The following CACNA1B variants were observed in gnomAD, a reference collection of about 807,000 sequenced individuals.
CACNA1B encodes voltage-dependent N-type calcium channel subunit alpha-1B.
In CACNA1B, 70 loss-of-function variants were observed where a neutral mutation model predicts 247.2. The observed-to-expected ratio is 0.28, with a 90% CI of 0.23 to 0.35. The LOEUF (loss-of-function observed/expected upper bound fraction) is 0.35. CACNA1B is among the 10% of genes least tolerant of loss of function. The probability of loss-of-function intolerance (pLI) is 1.00; values close to 1 mark genes in which losing one functional copy is unlikely to be tolerated. For missense variants in CACNA1B, 2,367 were observed against 3,197.4 expected, an observed-to-expected ratio of 0.74 and a Z score of 6.26; for synonymous variants, 1,231 against 1,294.4, an observed-to-expected ratio of 0.95 and a Z score of 1.05.
At chr9:138,090,533 C>T (rs1267117829) in intron 36 of CACNA1B, among the ~76,000 whole-genome samples, 1 of 151,686 alleles carries the variant, frequency 6.6e-6, no homozygotes, top group Non-Finnish European at 1.5e-5. Context: ...GCACAGGCAA[C>T]CAAAGCACAA....
chr9:138,005,317 A>G (rs1052116367), intron 15 of CACNA1B, among the ~76,000 whole-genome samples: 11 of 152,256 alleles, frequency 7.2e-5, no homozygotes, highest in African/African-American at 1.9e-4. Flanking sequence ...TTGCAGCAAC[A>G]TGGATGGAAG....
Position 138,120,860 on chromosome 9 carries a change from G to T in CACNA1B, c.6468G>T (p.Gln2156His). The change falls in exon 46 of 47, where the codon CAG (glutamine) becomes CAT (histidine). Residue 2156 changes from glutamine to histidine, a missense_variant. Transcript: ENST00000371372. The part of the protein sequence containing the change: ...SSHPTSPTAG[Q>H]EPGPHPQGSG... Reference sequence around the variant, plus strand: ...ACCCAACGTCGCCAACAGCTGGCCAGGAGCCGGGACCCCACCCACAGGTAA... The same window carrying T: ...ACCCAACGTCGCCAACAGCTGGCCATGAGCCGGGACCCCACCCACAGGTAA... 1 of 1,572,406 alleles carries T rather than the reference G, an allele frequency of 6.4e-7. No homozygotes were observed. The highest frequency in any genetic ancestry group is 8.6e-7 in the Non-Finnish European group (1 of 1,159,284).
intron 19 of CACNA1B, among the ~76,000 whole-genome samples, chr9:138,024,381 C>T (rs1203695765): frequency 6.6e-6 from 1 of 152,192 alleles, no homozygotes; most frequent in African/African-American, 2.4e-5. Context: ...TCGCCAGGTA[C>T]CCACTGGCCA....
At chr9:137,889,307 G>A (rs1365972106) in intron 3 of CACNA1B, among the ~76,000 whole-genome samples, 1 of 150,152 alleles carries the variant, frequency 6.7e-6, no homozygotes, top group African/African-American at 2.4e-5. Context: ...CTCCAGTGCC[G>A]GGTCGGGCTG....
intron 20 of CACNA1B, among the ~76,000 whole-genome samples, chr9:138,029,931 C>T (rs6559260): frequency 0.19 from 29,459 of 152,004 alleles, 7,648 homozygotes; most frequent in African/African-American, 0.6. Context: ...CATCAAATTT[C>T]AAAATTAACT....
At chr9:137,940,050 C>G (rs1016315511) in intron 6 of CACNA1B, among the ~76,000 whole-genome samples, 1 of 151,604 alleles carries the variant, frequency 6.6e-6, no homozygotes, top group Non-Finnish European at 1.5e-5. Flanking sequence ...CCAAACCCAG[C>G]AGAAGAAAGA....
rs564778474 is a variant in CACNA1B at position 137,914,347 on chromosome 9, C to T, written c.623-307C>T. ...GTTGCCCCACCCTGAGCCCCACTCCCCACCCCAGACTTCATACCCTGACAC... is the reference window on the plus strand; with the variant it reads ...GTTGCCCCACCCTGAGCCCCACTCCTCACCCCAGACTTCATACCCTGACAC... On this transcript the variant is annotated intron_variant, in intron 4 of 46. Coordinates refer to ENST00000371372, the MANE Select transcript of CACNA1B (RefSeq NM_000718.4). The surrounding 1 kb of genome is among the most constrained non-coding windows in gnomAD (Gnocchi z 4.3). 1.3e-5 allele frequency among the ~76,000 whole-genome samples: 2 copies of T among 152,202 alleles called. No individual in the cohort carries two copies. Among genetic ancestry groups the T allele is most frequent in the South Asian group, 4.1e-4 (2 of 4,824 alleles).
At chr9:137,921,995 GACCGCA>G (rs1957489610) in intron 6 of CACNA1B, among the ~76,000 whole-genome samples, 2 of 143,392 alleles carry the variant, frequency 1.4e-5, no homozygotes, top group African/African-American at 5.2e-5. Context: ...TCAGCACCGC[GACCGCA>G]CAGCATCCTG....
At chr9:138,114,580 ACCATTCTTGG>A in intron 41 of CACNA1B, 90 bp downstream of exon 41, 1 of 652,480 alleles carries the variant, frequency 1.5e-6, no homozygotes, top group Non-Finnish European at 2.7e-6. Context: ...GGAGATGCAC[ACCATTCTTGG>A]AAAAAGTATC....
intron 6 of CACNA1B, among the ~76,000 whole-genome samples, chr9:137,921,208 G>A (rs1381540771): frequency 1.3e-5 from 2 of 152,248 alleles, no homozygotes; most frequent in Non-Finnish European, 2.9e-5. Context: ...CAGGAGCCAC[G>A]AAAGAGATGG....
At chr9:138,063,082 G>A (rs1959786840) in intron 31 of CACNA1B, among the ~76,000 whole-genome samples, 1 of 152,228 alleles carries the variant, frequency 6.6e-6, no homozygotes, top group African/African-American at 2.4e-5. Context: ...GTGCGTCAGG[G>A]CATCTGATCT....
rs1037005334 is a variant in CACNA1B, at chr9:137,881,439, G to A, written c.391-1305G>A. Among the ~76,000 whole-genome samples, 2 of 152,194 alleles carry A rather than the reference G, an allele frequency of 1.3e-5. No homozygotes were observed. The highest frequency in any genetic ancestry group is 4.8e-5 in the African/African-American group (2 of 41,446). ...GAGGAAGGCACAGGCTGTGGAACTGGTGGCACTCACCTCACCTGGCAGCTC... is the reference window on the plus strand; with the variant it reads ...GAGGAAGGCACAGGCTGTGGAACTGATGGCACTCACCTCACCTGGCAGCTC... On this transcript the variant is annotated intron_variant, in intron 2 of 46. Transcript: ENST00000371372. The surrounding 1 kb of genome is among the most constrained non-coding windows in gnomAD (Gnocchi z 4.3).
rs911065971 is a variant in CACNA1B, at chr9:138,121,730, G to C, written c.6751G>C (p.Gly2251Arg). ...CCCCCTCAGCCAGCCCCTGGCCCCT[G>C]GCTCTCGAATTGGCTCTGACCCTTA... ...RDPLSQPLAP[G>R]SRIGSDPYLG... is the part of the protein sequence containing the mutation. Residue 2251 changes from glycine to arginine, a missense_variant, in exon 47 of 47, where the codon GGC becomes CGC. Gly to Arg is a moderately radical substitution (Grantham distance 125, BLOSUM62 -2). Transcript: ENST00000371372. This position sits in a 1 kb window ranked among gnomAD's most constrained non-coding sequence, Gnocchi z 6.8. 2.5e-6 allele frequency: 4 copies of C among 1,613,418 alleles called. No homozygotes were observed. Among genetic ancestry groups the C allele is most frequent in the Non-Finnish European group, 3.4e-6 (4 of 1,179,882 alleles).
rs375224405 is a variant in CACNA1B at position 137,971,464 on chromosome 9, G to A, written c.1415G>A (p.Arg472Gln). ...SYFRRKEKMFRFFIRRMVKAQ... is the reference protein window; with the variant it reads ...SYFRRKEKMFQFFIRRMVKAQ... ...TTCCGGAGGAAGGAGAAGATGTTCC[G>A]GTTTTTTATCCGGCGCATGGTGAAG... The change falls in exon 11 of 47, where the codon CGG becomes CAG. Residue 472 changes from arginine to glutamine, a missense_variant. This residue lies in a region of CACNA1B where 219 missense variants were observed against 297.6 expected (regional missense o/e 0.74). Transcript: ENST00000371372. The surrounding 1 kb of genome is among the most constrained non-coding windows in gnomAD (Gnocchi z 4.4). 5 of 1,613,588 alleles carry A rather than the reference G, an allele frequency of 3.1e-6. No homozygotes were observed. Among genetic ancestry groups the A allele is most frequent in the Non-Finnish European group, 3.4e-6 (4 of 1,179,698 alleles).
At chr9:138,098,778 A>G (rs1360476563) in intron 37 of CACNA1B, among the ~76,000 whole-genome samples, 1 of 152,218 alleles carries the variant, frequency 6.6e-6, no homozygotes, top group Non-Finnish European at 1.5e-5. Flanking sequence ...CCCCAGAGAT[A>G]GCACGCACAA....
chr9:138,121,372 T>C lies in CACNA1B; in HGVS notation c.6490-97T>C, dbSNP rs1370954359. On this transcript the variant is annotated intron_variant, in intron 46 of 46. Transcript: ENST00000371372. This position sits in a 1 kb window ranked among gnomAD's most constrained non-coding sequence, Gnocchi z 6.8. ...CCCATTGCCTCCCTCTCTCCTCCCA[T>C]CCCCCCAGGCACCTGTGTGTGATGT... is the stretch of plus-strand genomic sequence containing the variant. The C allele has an allele frequency of 3.2e-6, 3 of 944,388 alleles. No individual in the cohort carries two copies. Among genetic ancestry groups the C allele is most frequent in the Admixed American group, 6.4e-5 (2 of 31,488 alleles). The allele number at this position is 944,388 out of a possible 1,614,324, so 58.5% of individuals were successfully genotyped here.
chr9:138,029,327 T>C (rs1188917252), intron 20 of CACNA1B, among the ~76,000 whole-genome samples: 2 of 152,246 alleles, frequency 1.3e-5, no homozygotes, highest in Non-Finnish European at 2.9e-5. Flanking sequence ...AAATATTTGA[T>C]AGAATTATCT....
At chr9:138,069,211 G>A (rs949388589) in intron 31 of CACNA1B, among the ~76,000 whole-genome samples, 4 of 152,214 alleles carry the variant, frequency 2.6e-5, no homozygotes, top group South Asian at 2.1e-4. Flanking sequence ...CACTTCATAT[G>A]TTTACTTTGT....
intron 36 of CACNA1B, among the ~76,000 whole-genome samples, chr9:138,085,352 A>G (rs2131328378): frequency 6.6e-6 from 1 of 151,322 alleles, no homozygotes; most frequent in Non-Finnish European, 1.5e-5. Context: ...GAAAAGAAAT[A>G]ATTAAAAAGA....
Sources: allele counts gnomAD v4.1 joint callset (sites outside exome capture counted in the v4.1 genomes callset), GRCh38; gene constraint gnomAD v4.1.1; regional missense constraint gnomAD v4.1.1; non-coding constraint Gnocchi (gnomAD v3.1); transcripts MANE v1.5; gene names NCBI Gene and HGNC (gene_info 2026-07-23, HGNC 2026-07-21).